The following UTRN variants were observed in gnomAD, a reference collection of about 807,000 sequenced individuals.
The protein encoded by UTRN is dystrophin-related protein 1.
In UTRN, 283 loss-of-function variants were observed where a neutral mutation model predicts 463.9. The observed-to-expected ratio is 0.61, with a 90% CI of 0.55 to 0.67. The LOEUF is 0.67. UTRN is among the 30% of genes least tolerant of loss of function. The pLI is 0.00. For synonymous variants in UTRN, 1,442 were observed against 1,431.5 expected (o/e 1.01, Z -0.17); for missense variants, 3,922 against 4,084.3 (o/e 0.96, Z 1.08).
chr6:144,440,900 G>A (rs1787087411), intron 13 of UTRN, among the ~76,000 whole-genome samples: 2 of 152,194 alleles, frequency 1.3e-5, no homozygotes, highest in African/African-American at 2.4e-5. Flanking sequence ...ATGGTGGCAG[G>A]CAAAGAGAGG....
At chr6:144,715,374 G>A (rs529333180) in intron 53 of UTRN, among the ~76,000 whole-genome samples, 1 of 152,234 alleles carries the variant, frequency 6.6e-6, no homozygotes, top group East Asian at 1.9e-4. Flanking sequence ...TATCAGTCCA[G>A]CAACCAGAGT....
At chr6:144,795,242 G>A (rs1267977385) in intron 63 of UTRN, among the ~76,000 whole-genome samples, 1 of 152,248 alleles carries the variant, frequency 6.6e-6, no homozygotes, top group South Asian at 2.1e-4. Flanking sequence ...TGGTGTATTT[G>A]TGCCACATTT....
At chr6:144,635,174 G>GGGTTTTACTGTGTCACCCAGGCTA (rs1187701951) in intron 51 of UTRN, among the ~76,000 whole-genome samples, 17 of 136,788 alleles carry the variant, frequency 1.2e-4, no homozygotes, top group Admixed American at 5.6e-4. Flanking sequence ...ACATGAGACA[G>GGGTTTTACTGTGTCACCCAGGCTA]GGTTTTACTG....
At chr6:144,475,865 C>A (rs538554791) in intron 25 of UTRN, among the ~76,000 whole-genome samples, 1 of 152,020 alleles carries the variant, frequency 6.6e-6, no homozygotes, top group East Asian at 2.0e-4. Flanking sequence ...TGCCTGAGCT[C>A]AGGAGTTTGA....
intron 68 of UTRN, 143 bp downstream of exon 68, chr6:144,827,819 C>T (rs1238490199): frequency 9.6e-7 from 1 of 1,036,900 alleles, no homozygotes; most frequent in Non-Finnish European, 1.4e-6. Flanking sequence ...GGAATTTGGG[C>T]TCTCATATTT....
chr6:144,305,625 A>C (rs1387973564), intron 2 of UTRN, among the ~76,000 whole-genome samples: 1 of 152,244 alleles, frequency 6.6e-6, no homozygotes, highest in South Asian at 2.1e-4. Context: ...GAAAAGCTGA[A>C]GTGTAGTTGA....
At chr6:144,363,092 G>C (rs1345667849) in intron 2 of UTRN, among the ~76,000 whole-genome samples, 2 of 152,058 alleles carry the variant, frequency 1.3e-5, no homozygotes, top group African/African-American at 4.8e-5. Flanking sequence ...GTTTTTAAAA[G>C]ATTTTTTAAT....
At chr6:144,415,973 T>G (rs1784326553) in intron 3 of UTRN, among the ~76,000 whole-genome samples, 1 of 152,150 alleles carries the variant, frequency 6.6e-6, no homozygotes, top group South Asian at 2.1e-4. Context: ...GTTTTTGGCC[T>G]GAGCAAGAGT....
At chr6:144,390,678 T>G (rs1350246235) in intron 2 of UTRN, among the ~76,000 whole-genome samples, 2 of 152,256 alleles carry the variant, frequency 1.3e-5, no homozygotes, top group African/African-American at 4.8e-5. Context: ...CTAACCATTT[T>G]TACGTGCCCC....
Position 144,545,173 on chromosome 6 carries a change from G to A in UTRN, c.6595+2303G>A, listed in dbSNP as rs531613986. On this transcript the variant is annotated intron_variant, in intron 46 of 74. Coordinates refer to ENST00000367545, the MANE Select transcript of UTRN (RefSeq NM_007124.3). Reference sequence around the variant, plus strand: ...TCCATGTTCCATTCCACCTACTTCCGTGGTCTTGAACACCCTTATCTTTCT... The same window carrying A: ...TCCATGTTCCATTCCACCTACTTCCATGGTCTTGAACACCCTTATCTTTCT... Among the ~76,000 whole-genome samples, 9 of 152,146 alleles carry A rather than the reference G, an allele frequency of 5.9e-5. No homozygotes were observed. In the East Asian group the frequency reaches 1.2e-3, roughly 20 times the overall value.
chr6:144,535,174 C>T (rs748395948), intron 43 of UTRN, among the ~76,000 whole-genome samples: 8 of 152,148 alleles, frequency 5.3e-5, no homozygotes, highest in South Asian at 2.1e-4. Context: ...TCTGCCTCCC[C>T]GGCTCAAGCA....
intron 10 of UTRN, 67 bp downstream of exon 10, chr6:144,436,205 A>T (rs1786521024): frequency 8.3e-6 from 12 of 1,452,794 alleles, no homozygotes; most frequent in Middle Eastern, 1.8e-4. Flanking sequence ...CAGGGACTCT[A>T]CTCTCCTATT....
At chr6:144,471,216 G>C (rs1415137437) in intron 23 of UTRN, among the ~76,000 whole-genome samples, 1 of 152,032 alleles carries the variant, frequency 6.6e-6, no homozygotes, top group Non-Finnish European at 1.5e-5. Flanking sequence ...TAGAGAGAGG[G>C]TGGGAAGGAG....
intron 8 of UTRN, 122 bp downstream of exon 8, chr6:144,429,015 G>A: frequency 3.3e-6 from 2 of 611,816 alleles, no homozygotes; most frequent in Admixed American, 3.5e-5. Flanking sequence ...TTCCTTTTTG[G>A]AGTATAGGTG....
At chr6:144,371,100 A>G (rs1779943836) in intron 2 of UTRN, among the ~76,000 whole-genome samples, 1 of 152,186 alleles carries the variant, frequency 6.6e-6, no homozygotes, top group African/African-American at 2.4e-5. Flanking sequence ...ATGTCTCTTC[A>G]CTGTGCCAGA....
At chr6:144,335,518 G>A (rs1776649322) in intron 2 of UTRN, among the ~76,000 whole-genome samples, 1 of 152,130 alleles carries the variant, frequency 6.6e-6, no homozygotes, top group African/African-American at 2.4e-5. Flanking sequence ...AGTTGAACCC[G>A]ATTCCTGAGG....
At chr6:144,440,244 A>C (rs1787014961) in intron 12 of UTRN, 108 bp from the exon 13 acceptor site, 1 of 1,130,298 alleles carries the variant, frequency 8.8e-7, no homozygotes, top group East Asian at 2.5e-5. Flanking sequence ...TGGAAATTTA[A>C]ATATGATGCC....
intron 2 of UTRN, among the ~76,000 whole-genome samples, chr6:144,357,145 TG>T (rs1471026242): frequency 6.6e-6 from 1 of 152,146 alleles, no homozygotes; most frequent in African/African-American, 2.4e-5. Context: ...TTGGAGCACA[TG>T]GGTGTGGAAT....
At chr6:144,431,015 G>A (rs781533215) in intron 9 of UTRN, among the ~76,000 whole-genome samples, 2 of 152,108 alleles carry the variant, frequency 1.3e-5, no homozygotes, top group Non-Finnish European at 2.9e-5. Context: ...AATATCAAAT[G>A]ATGCTGAGGA....
Sources: gnomAD v4.1 joint callset for allele counts (sites outside exome capture counted in the v4.1 genomes callset) on GRCh38, gnomAD v4.1.1 for gene constraint, MANE v1.5 for transcripts, NCBI Gene and HGNC (gene_info 2026-07-23, HGNC 2026-07-21) for gene names.